The following LIMCH1 variants were observed in gnomAD, a reference collection of about 807,000 sequenced individuals.
LIMCH1 encodes the protein LIM and calponin homology domains 1.
A neutral mutation model predicts 176.5 loss-of-function variants in LIMCH1; 113 were observed. The observed-to-expected ratio is 0.64, with a 90% confidence interval of 0.55 to 0.75. LIMCH1 has a LOEUF of 0.75. LIMCH1 is among the 30% of genes least tolerant of loss of function. The pLI, the probability that LIMCH1 is intolerant of heterozygous loss-of-function variation, is 0.00. For synonymous variants in LIMCH1, 619 were observed against 645.9 expected, an observed-to-expected ratio of 0.96 and a Z score of 0.63; for missense variants, 1,674 against 1,814.9, an observed-to-expected ratio of 0.92 and a Z score of 1.41.
At chr4:41,635,186 C>T (rs2093518360) in intron 13 of LIMCH1, among the ~76,000 whole-genome samples, 1 of 152,034 alleles carries the variant, frequency 6.6e-6, no homozygotes, top group South Asian at 2.1e-4. Flanking sequence ...AGCATGATGC[C>T]TACACGAGTA....
chr4:41,458,773 CA>C (rs779184137), intron 1 of LIMCH1, among the ~76,000 whole-genome samples: 455 of 53,466 alleles, frequency 8.5e-3, no homozygotes, highest in East Asian at 0.015. Flanking sequence ...ACTCTGTCAC[CA>C]AAAAAAAAAA....
chr4:41,597,342 A>G (rs1162405808), intron 1 of LIMCH1, among the ~76,000 whole-genome samples: 1 of 152,216 alleles, frequency 6.6e-6, no homozygotes, highest in Non-Finnish European at 1.5e-5. Flanking sequence ...ATGAGTGAAT[A>G]TATGTAAAGT....
At position 41,613,692 on chromosome 4, in the gene LIMCH1, T is replaced by C. The variant is rs761142112; in HGVS notation, c.205+31T>C. 6 of 1,589,748 alleles carry C rather than the reference T, an allele frequency of 3.8e-6. No homozygotes were observed. In the African/African-American group the frequency reaches 6.7e-5, roughly 18 times the overall value. On this transcript the variant is annotated intron_variant, in intron 5 of 31. Coordinates refer to ENST00000503057, the MANE Select transcript of LIMCH1 (RefSeq NM_001330672.2). ...TTGGAGTCTTAATAAACTATCCATCTTGAAATTAAACATTTGCAGGGGCTG... is the reference window on the plus strand; with the variant it reads ...TTGGAGTCTTAATAAACTATCCATCCTGAAATTAAACATTTGCAGGGGCTG...
At chr4:41,687,309 G>A (rs948516905) in intron 28 of LIMCH1, among the ~76,000 whole-genome samples, 4 of 152,156 alleles carry the variant, frequency 2.6e-5, no homozygotes, top group Non-Finnish European at 5.9e-5. Flanking sequence ...GTTGTTACAT[G>A]TTTTGAACAT....
intron 4 of LIMCH1, chr4:41,613,183 T>G (rs1314329893): frequency 8.2e-7 from 1 of 1,221,822 alleles, no homozygotes; most frequent in Middle Eastern, 1.9e-4. Flanking sequence ...CTTCTAATTC[T>G]TTCTCTACTC....
chr4:41,393,571 G>C (rs2057484422), intron 1 of LIMCH1, among the ~76,000 whole-genome samples: 1 of 152,208 alleles, frequency 6.6e-6, no homozygotes, highest in African/African-American at 2.4e-5. Context: ...TTAGTCCCAT[G>C]ATGGAGACTA....
intron 1 of LIMCH1, among the ~76,000 whole-genome samples, chr4:41,435,794 T>C (rs2062020967): frequency 6.6e-6 from 1 of 152,170 alleles, no homozygotes. Flanking sequence ...AAGATCAGGG[T>C]CTCATATAAA....
At chr4:41,368,098 T>C (rs2053385626) in intron 1 of LIMCH1, among the ~76,000 whole-genome samples, 2 of 152,208 alleles carry the variant, frequency 1.3e-5, no homozygotes, top group African/African-American at 4.8e-5. Flanking sequence ...TGAACAATTA[T>C]TTTATTTTAA....
intron 1 of LIMCH1, among the ~76,000 whole-genome samples, chr4:41,480,404 C>T (rs1395939246): frequency 3.3e-5 from 5 of 151,986 alleles, no homozygotes; most frequent in South Asian, 4.2e-4. Flanking sequence ...GTCGAGAGAT[C>T]GAGACCACCC....
chr4:41,619,234 A>G lies in LIMCH1; in HGVS notation c.252A>G (p.Pro84=), dbSNP rs748809343. 5 of 1,614,072 alleles carry G rather than the reference A, an allele frequency of 3.1e-6. No homozygotes were observed. The Admixed American group carries it at 6.7e-5, about 22-fold the overall frequency. ...SESDLPHRKL[P]DVKKDDMSAR... ...CCGACTTGCCTCATCGGAAGCTGCC[A>G]GATGTGAAGAAGGATGACATGTCTG... Residue 84 remains proline, a synonymous_variant, in exon 6 of 32, where the codon CCA becomes CCG. Coordinates refer to ENST00000503057, the MANE Select transcript of LIMCH1 (RefSeq NM_001330672.2).
intron 1 of LIMCH1, among the ~76,000 whole-genome samples, chr4:41,543,588 A>G (rs918409076): frequency 2.0e-5 from 3 of 152,170 alleles, no homozygotes; most frequent in African/African-American, 7.2e-5. Context: ...ATGTGTCCTC[A>G]TGGTCATTTT....
intron 1 of LIMCH1, among the ~76,000 whole-genome samples, chr4:41,397,081 GTTAT>G (rs2154114685): frequency 1.3e-5 from 2 of 152,072 alleles, no homozygotes; most frequent in East Asian, 3.9e-4. Context: ...CTCCTTGCTG[GTTAT>G]TTATTAGTTA....
intron 1 of LIMCH1, among the ~76,000 whole-genome samples, chr4:41,440,785 T>C (rs953863111): frequency 6.6e-6 from 1 of 152,160 alleles, no homozygotes; most frequent in Non-Finnish European, 1.5e-5. Flanking sequence ...CACCTGCCTC[T>C]GCCTCTCCAA....
chr4:41,579,669 A>G (rs2085075931), intron 1 of LIMCH1, among the ~76,000 whole-genome samples: 1 of 152,228 alleles, frequency 6.6e-6, no homozygotes. Flanking sequence ...TGCTGAGTGT[A>G]ACAGCAAAAT....
intron 22 of LIMCH1, among the ~76,000 whole-genome samples, chr4:41,675,397 A>AT (rs1242022182): frequency 6.6e-6 from 1 of 151,876 alleles, no homozygotes; most frequent in Non-Finnish European, 1.5e-5. Flanking sequence ...GGGTACATAG[A>AT]TTTTGCCTGC....
intron 2 of LIMCH1, among the ~76,000 whole-genome samples, chr4:41,503,749 T>C (rs989872926): frequency 2.0e-5 from 3 of 152,166 alleles, no homozygotes; most frequent in Admixed American, 1.3e-4. Context: ...CTTGGGAGTG[T>C]TGCCGGAGAA....
intron 1 of LIMCH1, among the ~76,000 whole-genome samples, chr4:41,578,968 G>T (rs79039456): frequency 6.6e-6 from 1 of 151,856 alleles, no homozygotes; most frequent in African/African-American, 2.4e-5. Flanking sequence ...CTCCCAAAGC[G>T]CTGAGCTTAC....
chr4:41,388,041 C>T (rs1240251195), intron 1 of LIMCH1, among the ~76,000 whole-genome samples: 3 of 152,174 alleles, frequency 2.0e-5, no homozygotes, highest in African/African-American at 7.2e-5. Flanking sequence ...ACCCAAGAAG[C>T]GGAGGTTGCA....
chr4:41,594,771 G>A (rs1584619030), intron 1 of LIMCH1, among the ~76,000 whole-genome samples: 2 of 152,306 alleles, frequency 1.3e-5, no homozygotes, highest in Admixed American at 1.3e-4. Flanking sequence ...ACACAGCATG[G>A]TGTTCAAAGG....
Sources: gnomAD v4.1 joint callset for allele counts (sites outside exome capture counted in the v4.1 genomes callset) on GRCh38, gnomAD v4.1.1 for gene constraint, MANE v1.5 for transcripts, NCBI Gene and HGNC (gene_info 2026-07-23, HGNC 2026-07-21) for gene names.